The following ITFG1 variants were observed in gnomAD, a reference collection of about 807,000 sequenced individuals.
ITFG1 encodes the protein integrin alpha FG-GAP repeat containing 1.
ITFG1 carries 34 observed loss-of-function variants against 81.8 expected under a neutral mutation model. The observed-to-expected ratio is 0.42, with a 90% CI of 0.32 to 0.55. ITFG1 has a LOEUF of 0.55. Ranked by LOEUF, ITFG1 falls within the 20% of genes least tolerant of loss-of-function variation. The pLI is 0.17. For missense variants in ITFG1, 672 were observed against 755.4 expected (o/e 0.89, Z 1.29); for synonymous variants, 285 against 270.6 (o/e 1.05, Z -0.52).
intron 14 of ITFG1, among the ~76,000 whole-genome samples, chr16:47,205,173 GT>G (rs1965477398): frequency 6.6e-6 from 1 of 152,200 alleles, no homozygotes; most frequent in South Asian, 2.1e-4. Flanking sequence ...GAGTTTTATA[GT>G]CTACATCAGG....
intron 14 of ITFG1, among the ~76,000 whole-genome samples, chr16:47,174,278 A>G (rs1382461545): frequency 6.6e-6 from 1 of 152,170 alleles, no homozygotes; most frequent in Non-Finnish European, 1.5e-5. Context: ...GCTGTCTACA[A>G]ATACTAGATA....
intron 6 of ITFG1, among the ~76,000 whole-genome samples, chr16:47,382,159 A>G (rs1158690371): frequency 2.0e-5 from 3 of 152,208 alleles, no homozygotes; most frequent in Non-Finnish European, 4.4e-5. Context: ...TGGGTCAAAA[A>G]AACTCAAAAC....
chr16:47,297,637 T>TA (rs1182058813), intron 10 of ITFG1, among the ~76,000 whole-genome samples: 1 of 151,982 alleles, frequency 6.6e-6, no homozygotes, highest in Non-Finnish European at 1.5e-5. Context: ...TTTGCTTTTT[T>TA]TTTTTTTTTT....
intron 10 of ITFG1, chr16:47,262,665 T>C (rs1465241447): frequency 6.6e-6 from 1 of 152,270 alleles, no homozygotes; most frequent in Non-Finnish European, 1.5e-5. Context: ...TTTGCAGTCA[T>C]GCAATTTAAA....
intron 14 of ITFG1, among the ~76,000 whole-genome samples, chr16:47,193,387 C>G (rs1051510174): frequency 1.3e-5 from 2 of 151,988 alleles, no homozygotes; most frequent in African/African-American, 4.8e-5. Flanking sequence ...TCTGTTTCAA[C>G]AAAACCTACA....
chr16:47,448,233 G>C (rs1567503999), intron 5 of ITFG1: 1 of 151,984 alleles, frequency 6.6e-6, no homozygotes, highest in Non-Finnish European at 1.5e-5. Context: ...TAATGTATCA[G>C]CAAACAAACA....
intron 16 of ITFG1, among the ~76,000 whole-genome samples, chr16:47,159,784 A>G (rs1964771580): frequency 6.6e-6 from 1 of 152,162 alleles, no homozygotes; most frequent in Non-Finnish European, 1.5e-5. Flanking sequence ...AAAGTTTAAT[A>G]AAGGTAAGAC....
At chr16:47,429,874 C>T (rs1002864707) in intron 5 of ITFG1, among the ~76,000 whole-genome samples, 3 of 152,038 alleles carry the variant, frequency 2.0e-5, no homozygotes, top group Non-Finnish European at 2.9e-5. Context: ...TTTGCCCAGG[C>T]TAGTCTTGAA....
intron 13 of ITFG1, among the ~76,000 whole-genome samples, chr16:47,235,065 C>G (rs999211680): frequency 6.6e-6 from 1 of 152,174 alleles, no homozygotes; most frequent in Non-Finnish European, 1.5e-5. Flanking sequence ...TTATAAATTA[C>G]CCAGTCATGG....
At chr16:47,209,014 A>G (rs1004197257) in intron 14 of ITFG1, among the ~76,000 whole-genome samples, 2 of 152,200 alleles carry the variant, frequency 1.3e-5, no homozygotes, top group African/African-American at 2.4e-5. Flanking sequence ...ACTTAGAATA[A>G]GAAGGGGGAA....
At chr16:47,450,904 C>T (rs1015752387) in intron 5 of ITFG1, among the ~76,000 whole-genome samples, 1 of 152,138 alleles carries the variant, frequency 6.6e-6, no homozygotes, top group African/African-American at 2.4e-5. Flanking sequence ...GTAAGAGAGG[C>T]CTAGCACACA....
chr16:47,161,947 G>A (rs1964813113), intron 15 of ITFG1, 115 bp from the exon 16 acceptor site: 2 of 702,616 alleles, frequency 2.8e-6, no homozygotes, highest in Non-Finnish European at 4.9e-6. Context: ...TCTAGGTATG[G>A]ATTAAGCTAT....
intron 8 of ITFG1, among the ~76,000 whole-genome samples, chr16:47,343,821 T>C (rs930822608): frequency 1.3e-5 from 2 of 152,260 alleles, no homozygotes; most frequent in African/African-American, 4.8e-5. Context: ...ATAATGACCT[T>C]ATATCCCAGC....
Position 47,406,193 on chromosome 16 carries a change from G to C in ITFG1, c.655+22611C>G, listed in dbSNP as rs565294627. Among the ~76,000 whole-genome samples, 3 of 152,204 alleles carry C rather than the reference G, an allele frequency of 2.0e-5. No homozygotes were observed. In the South Asian group the frequency reaches 6.2e-4, roughly 32 times the overall value. On this transcript the variant is annotated intron_variant, in intron 6 of 17. Coordinates refer to ENST00000320640, the MANE Select transcript of ITFG1 (RefSeq NM_030790.5). ...CAGTTCAAATGATGCATTTAGAAGC[G>C]ATTTATATGATAACCTTATGATATC...
In ITFG1 at chr16:47,432,996, T is replaced by C. The variant is rs999677444; in HGVS notation, c.561-4098A>G. Among the ~76,000 whole-genome samples the C allele has an allele frequency of 2.6e-5, 4 of 152,218 alleles. 1 individual carries two copies. Among genetic ancestry groups the C allele is most frequent in the Non-Finnish European group, 5.9e-5 (4 of 68,036 alleles). On this transcript the variant is annotated intron_variant, in intron 5 of 17. Coordinates refer to ENST00000320640, the MANE Select transcript of ITFG1 (RefSeq NM_030790.5). Reference sequence around the variant, plus strand: ...CAAGAATGATTAAAAACACAGACTTTTATAGAGTAAAGCTCAATGAGGTTG... The same window carrying C: ...CAAGAATGATTAAAAACACAGACTTCTATAGAGTAAAGCTCAATGAGGTTG...
intron 12 of ITFG1, among the ~76,000 whole-genome samples, chr16:47,251,383 A>G (rs1966073460): frequency 1.3e-5 from 2 of 152,376 alleles, no homozygotes; most frequent in African/African-American, 4.8e-5. Context: ...CCAAAGGGGA[A>G]AGGAAAAAGG....
intron 6 of ITFG1, among the ~76,000 whole-genome samples, chr16:47,384,277 C>T (rs1968431842): frequency 6.6e-6 from 1 of 152,168 alleles, no homozygotes; most frequent in Admixed American, 6.5e-5. Flanking sequence ...GTTTATTTCT[C>T]TTGTAAATCC....
At chr16:47,355,570 T>C (rs193168346) in intron 8 of ITFG1, among the ~76,000 whole-genome samples, 52 of 152,286 alleles carry the variant, frequency 3.4e-4, no homozygotes, top group Admixed American at 7.8e-4. Context: ...CTTGAGGTGA[T>C]AGATTTGCTA....
chr16:47,441,777 G>T (rs889269558), intron 5 of ITFG1, among the ~76,000 whole-genome samples: 6 of 152,058 alleles, frequency 3.9e-5, no homozygotes, highest in Non-Finnish European at 8.8e-5. Flanking sequence ...CACAAGACAG[G>T]GATGCCCTCT....
Sources: allele counts gnomAD v4.1 joint callset (sites outside exome capture counted in the v4.1 genomes callset), GRCh38; gene constraint gnomAD v4.1.1; transcripts MANE v1.5; gene names NCBI Gene and HGNC (gene_info 2026-07-23, HGNC 2026-07-21).